The following PAPPA variants were observed in gnomAD, a reference collection of about 807,000 sequenced individuals.
PAPPA encodes the protein pappalysin 1.
Under a neutral mutation model 164.0 loss-of-function variants are expected in PAPPA, and 60 were observed. The observed-to-expected ratio is 0.37, with a 90% CI of 0.30 to 0.45. The LOEUF (loss-of-function observed/expected upper bound fraction) is 0.45. PAPPA is among the 20% of genes least tolerant of loss of function. The probability of loss-of-function intolerance (pLI) is 1.00; values close to 1 mark genes in which losing one functional copy is unlikely to be tolerated. For missense variants in PAPPA, 1,782 were observed against 2,087.3 expected (o/e 0.85, Z 2.85); for synonymous variants, 875 against 814.1 (o/e 1.07, Z -1.27).
intron 6 of PAPPA, among the ~76,000 whole-genome samples, chr9:116,230,858 A>C (rs1367892149): frequency 6.6e-6 from 1 of 152,168 alleles, no homozygotes; most frequent in Non-Finnish European, 1.5e-5. Flanking sequence ...GACTGACTCA[A>C]ATCCCAGTTA....
rs369140934 is a variant in PAPPA, at chr9:116,161,198, G to A, written c.415+6611G>A. The stretch of plus-strand genomic sequence containing the variant: ...ACTGTAGATGATAAACAGTGATGGA[G>A]TTAGCAAACCTTTTCATGCCTGTGA... On this transcript the variant is annotated intron_variant, in intron 1 of 21. Transcript: ENST00000328252. Among the ~76,000 whole-genome samples, 513 of 152,312 alleles carry A rather than the reference G, an allele frequency of 3.4e-3. 3 individuals are homozygous for A. The highest frequency in any genetic ancestry group is 0.012 in the African/African-American group (482 of 41,560).
At position 116,154,687 on chromosome 9, in the gene PAPPA, C is replaced by T; in HGVS notation, c.415+100C>T. 2.5e-6 allele frequency: 3 copies of T among 1,219,842 alleles called. No homozygotes were observed. Among genetic ancestry groups the T allele is most frequent in the South Asian group, 3.4e-5 (1 of 29,182 alleles). The allele number at this position is 1,219,842 out of a possible 1,614,324, so 75.6% of individuals were successfully genotyped here. ...GGCGGGCGGGTCGGGGGCTTGCGGG[C>T]GTGTCTGTGCGAGAGCTGCCCCGCG... On this transcript the variant is annotated intron_variant, in intron 1 of 21. Transcript: ENST00000328252. This position sits in a 1 kb window ranked among gnomAD's most constrained non-coding sequence, Gnocchi z 5.2.
intron 3 of PAPPA, among the ~76,000 whole-genome samples, chr9:116,211,136 A>G (rs923602139): frequency 2.0e-5 from 3 of 152,204 alleles, no homozygotes; most frequent in South Asian, 4.1e-4. Context: ...GGATGAAGAT[A>G]TGAGATTCAG....
chr9:116,300,439 A>G (rs1845566834), intron 9 of PAPPA, among the ~76,000 whole-genome samples: 1 of 151,946 alleles, frequency 6.6e-6, no homozygotes, highest in African/African-American at 2.4e-5. Flanking sequence ...CACTGTGCCC[A>G]GCTAACTTTT....
chr9:116,314,272 T>C (rs1329394459), intron 10 of PAPPA, among the ~76,000 whole-genome samples: 1 of 151,802 alleles, frequency 6.6e-6, no homozygotes, highest in African/African-American at 2.4e-5. Context: ...GGTTTCACCA[T>C]GTTGGCCAGG....
chr9:116,220,344 T>C (rs534363803), intron 5 of PAPPA, among the ~76,000 whole-genome samples: 53 of 152,218 alleles, frequency 3.5e-4, no homozygotes, highest in African/African-American at 1.2e-3. Flanking sequence ...TATTTTTAAG[T>C]GAATGGGTAC....
At chr9:116,247,933 A>G (rs1844815628) in intron 7 of PAPPA, among the ~76,000 whole-genome samples, 1 of 152,242 alleles carries the variant, frequency 6.6e-6, no homozygotes, top group Non-Finnish European at 1.5e-5. Context: ...GTGACTGTCC[A>G]TATAGTCTAA....
At chr9:116,166,651 A>G (rs1292043355) in intron 1 of PAPPA, among the ~76,000 whole-genome samples, 1 of 152,218 alleles carries the variant, frequency 6.6e-6, no homozygotes, top group Non-Finnish European at 1.5e-5. Flanking sequence ...CTAGCTTATA[A>G]TAAGCACTTA....
chr9:116,359,902 A>G (rs1342735088), intron 17 of PAPPA, among the ~76,000 whole-genome samples: 1 of 152,254 alleles, frequency 6.6e-6, no homozygotes. Context: ...GTGTCTTAGC[A>G]AAAGGATGCT....
rs762101758 is a variant in PAPPA, at chr9:116,352,715, G to A, written c.3974G>A (p.Ser1325Asn). 2 of 1,612,456 alleles carry A rather than the reference G, an allele frequency of 1.2e-6. No homozygotes were observed. Among genetic ancestry groups the A allele is most frequent in the Non-Finnish European group, 1.7e-6 (2 of 1,179,800 alleles). Reference sequence around the variant, plus strand: ...TGCCTATGTCTTCCAGGCAACAACAGCCTCCTGACCTGCATGGAGGATGGG... The same window carrying A: ...TGCCTATGTCTTCCAGGCAACAACAACCTCCTGACCTGCATGGAGGATGGG... ...RHPAQLKGNN[S>N]LLTCMEDGLW... The change falls in exon 16 of 22, where the codon AGC (serine) becomes AAC (asparagine). Residue 1325 changes from serine (S) to asparagine (N), a missense_variant. Physicochemically the swap from Ser to Asn is conservative, Grantham distance 46 (BLOSUM62 1). This residue lies in a region of PAPPA where 1,324 missense variants were observed against 1,656.9 expected (regional missense o/e 0.80). Transcript: ENST00000328252.
chr9:116,394,513 A>C (rs1260562991), intron 21 of PAPPA, among the ~76,000 whole-genome samples: 1 of 152,152 alleles, frequency 6.6e-6, no homozygotes, highest in Non-Finnish European at 1.5e-5. Context: ...ACTCTACCCC[A>C]GTGGTTGGAT....
intron 17 of PAPPA, among the ~76,000 whole-genome samples, chr9:116,356,719 C>T (rs1846358867): frequency 6.6e-6 from 1 of 152,162 alleles, no homozygotes. Context: ...GTCTATATAT[C>T]TGTTTTGGTA....
In PAPPA at chr9:116,332,526, A is replaced by G. The variant is rs143790808; in HGVS notation, c.3397+58A>G. On this transcript the variant is annotated intron_variant, in intron 12 of 21. Transcript: ENST00000328252. Reference sequence around the variant, plus strand: ...CAGTACCTGATTCCACCTCTGCCCCATAACTAGTTGTGAGGATCAGCTTAG... The same window carrying G: ...CAGTACCTGATTCCACCTCTGCCCCGTAACTAGTTGTGAGGATCAGCTTAG... 3,267 of 1,504,058 alleles carry G rather than the reference A, an allele frequency of 2.2e-3. 9 individuals carry two copies. Among genetic ancestry groups the G allele is most frequent in the Non-Finnish European group, 2.7e-3 (2,936 of 1,089,478 alleles). The allele number at this position is 1,504,058 out of a possible 1,614,324, so 93.2% of individuals were successfully genotyped here. A position where few individuals can be genotyped will look rare whatever the true frequency, so the allele number is the denominator to read the frequency against.
At chr9:116,263,863 T>C (rs1845032618) in intron 7 of PAPPA, among the ~76,000 whole-genome samples, 1 of 152,130 alleles carries the variant, frequency 6.6e-6, no homozygotes, top group Non-Finnish European at 1.5e-5. Flanking sequence ...TTAAATATCA[T>C]CAGCCGCAAA....
At chr9:116,386,461 C>T (rs1211453331) in intron 21 of PAPPA, among the ~76,000 whole-genome samples, 2 of 152,160 alleles carry the variant, frequency 1.3e-5, no homozygotes, top group Non-Finnish European at 2.9e-5. Flanking sequence ...CCTCTGTTAT[C>T]CTCTTTAATC....
chr9:116,243,085 T>G (rs1015549895), intron 7 of PAPPA, among the ~76,000 whole-genome samples: 5 of 152,198 alleles, frequency 3.3e-5, no homozygotes, highest in Non-Finnish European at 7.3e-5. Flanking sequence ...TGCATGTCCA[T>G]TAATGTTATC....
rs1254074613 is a variant in PAPPA, at chr9:116,344,411, A to G, written c.3612-132A>G. Reference sequence around the variant, plus strand: ...CTCTAGAGTCATCTTCACCCTAGCCAGCACCCCTTTCTGTCCTCAGTCTCA... The same window carrying G: ...CTCTAGAGTCATCTTCACCCTAGCCGGCACCCCTTTCTGTCCTCAGTCTCA... On this transcript the variant is annotated intron_variant, in intron 13 of 21. Coordinates refer to ENST00000328252, the MANE Select transcript of PAPPA (RefSeq NM_002581.5). 1.2e-5 allele frequency: 10 copies of G among 812,976 alleles called. No individual in the cohort carries two copies. The East Asian group carries it at 2.2e-4, about 18-fold the overall frequency. The allele number at this position is 812,976 out of a possible 1,614,324, so 50.4% of individuals were successfully genotyped here.
intron 14 of PAPPA, among the ~76,000 whole-genome samples, 191 bp from the exon 15 acceptor site, chr9:116,346,835 T>G (rs1239768010): frequency 6.6e-6 from 1 of 152,202 alleles, no homozygotes; most frequent in Non-Finnish European, 1.5e-5. Flanking sequence ...TCAGTCTCTG[T>G]GTCTTTGAGA....
chr9:116,264,944 A>G (rs1166445000), intron 7 of PAPPA, among the ~76,000 whole-genome samples: 1 of 152,152 alleles, frequency 6.6e-6, no homozygotes, highest in Non-Finnish European at 1.5e-5. Flanking sequence ...AGGAAGCCCA[A>G]GCAGGTACTA....
Sources: gnomAD v4.1 joint callset for allele counts (sites outside exome capture counted in the v4.1 genomes callset) on GRCh38, gnomAD v4.1.1 for gene constraint, gnomAD v4.1.1 regional missense constraint, Gnocchi (gnomAD v3.1) non-coding constraint, MANE v1.5 for transcripts, NCBI Gene and HGNC (gene_info 2026-07-23, HGNC 2026-07-21) for gene names.